DNAJB14: variants seen among roughly 807,000 people sequenced by gnomAD.
The protein encoded by DNAJB14 is DnaJ heat shock protein family (Hsp40) member B14, also known as dnaJ homolog subfamily B member 14.
DNAJB14 carries 22 observed loss-of-function variants against 48.4 expected under a neutral mutation model. That is an observed-to-expected ratio of 0.45 (90% CI 0.32 to 0.65). The LOEUF (loss-of-function observed/expected upper bound fraction) is 0.65, where lower values mean the gene tolerates loss of function less well. Among genes scored for constraint, DNAJB14 ranks in the 30% least tolerant of loss-of-function variants. The pLI is 0.03. For synonymous variants in DNAJB14, 142 were observed against 158.7 expected (o/e 0.89, Z 0.79); for missense variants, 319 against 458.8 (o/e 0.70, Z 2.78).
At chr4:99,917,868 T>C (rs775486030) in intron 3 of DNAJB14, among the ~76,000 whole-genome samples, 1 of 152,164 alleles carries the variant, frequency 6.6e-6, no homozygotes, top group Admixed American at 6.5e-5. Context: ...TTTCCCCCTA[T>C]AGGTAAGGCG....
intron 1 of DNAJB14, among the ~76,000 whole-genome samples, chr4:99,943,932 A>G (rs1489455227): frequency 6.6e-6 from 1 of 152,238 alleles, no homozygotes. Flanking sequence ...TAGCACCATC[A>G]ACAAAGTGAT....
At chr4:99,917,168 A>G (rs1360753297) in intron 3 of DNAJB14, among the ~76,000 whole-genome samples, 1 of 152,060 alleles carries the variant, frequency 6.6e-6, no homozygotes, top group Non-Finnish European at 1.5e-5. Context: ...TGCCTTATAT[A>G]TTTTCTTTAC....
intron 3 of DNAJB14, among the ~76,000 whole-genome samples, chr4:99,912,341 A>G (rs1466874073): frequency 6.6e-6 from 1 of 152,242 alleles, no homozygotes; most frequent in Admixed American, 6.5e-5. Context: ...TTTAACAGAA[A>G]TAAATGTTTT....
Position 99,908,722 on chromosome 4 carries a change from C to T in DNAJB14, c.626G>A (p.Gly209Glu), listed in dbSNP as rs1560732889. Residue 209 changes from glycine to glutamate, a missense_variant, in exon 4 of 8, where the codon GGA becomes GAA. Gly to Glu is a moderately conservative substitution (Grantham distance 98). This residue lies in a region of DNAJB14 where 166 missense variants were observed against 236.3 expected (regional missense o/e 0.70). Transcript: ENST00000442697. The stretch of plus-strand genomic sequence containing the variant: ...TTACATTAAAATACCTGAAGGAAAT[C>T]CACCCCCAAAAAATATATTAAACAA... ...EDLFNIFFGG[G>E]FPSGSVHSFS... 6.3e-7 allele frequency: 1 copy of T among 1,586,962 alleles called. No homozygotes were observed.
At chr4:99,938,486 C>T (rs991114839) in intron 1 of DNAJB14, among the ~76,000 whole-genome samples, 3 of 151,412 alleles carry the variant, frequency 2.0e-5, no homozygotes, top group South Asian at 2.1e-4. Flanking sequence ...AATGTATGCT[C>T]AGTTATTTAG....
rs754024125 is a variant in DNAJB14 at position 99,908,802 on chromosome 4, G to A, written c.546C>T (p.Asn182=). The change falls in exon 4 of 8, where the codon AAC becomes AAT. Residue 182 remains asparagine, a synonymous_variant. Coordinates refer to ENST00000442697, the MANE Select transcript of DNAJB14 (RefSeq NM_001031723.4). ...CTCTATGGAAATTAAATCTGCCATT[G>A]TTTTGGTGGTTACATGCTTGTTCTT... ...GNEEQACNHQ[N]NGRFNFHRGC... 3.7e-6 allele frequency: 6 copies of A among 1,612,296 alleles called. No homozygotes were observed. Among genetic ancestry groups the A allele is most frequent in the Non-Finnish European group, 5.1e-6 (6 of 1,179,066 alleles).
In DNAJB14 at chr4:99,922,987, A is replaced by G. The variant is rs996859116; in HGVS notation, c.451+53T>C. On this transcript the variant is annotated intron_variant, in intron 3 of 7. Coordinates refer to ENST00000442697, the MANE Select transcript of DNAJB14 (RefSeq NM_001031723.4). ...AGAACTTAATATTCTGAAACGCCGT[A>G]AAGTGAATTCTAAAGACAGCTTAGT... The G allele has an allele frequency of 6.6e-6, 10 of 1,523,808 alleles. No homozygotes were observed. In the Admixed American group the frequency reaches 1.5e-4, roughly 23 times the overall value. The allele number at this position is 1,523,808 out of a possible 1,614,324, so 94.4% of individuals were successfully genotyped here. A position where few individuals can be genotyped will look rare whatever the true frequency, so the allele number is the denominator to read the frequency against.
In DNAJB14 at chr4:99,917,126, G is replaced by A. The variant is rs186247486; in HGVS notation, c.451+5914C>T. Among the ~76,000 whole-genome samples, 61 of 152,198 alleles carry A rather than the reference G, an allele frequency of 4.0e-4. 1 individual carries two copies. Among genetic ancestry groups the A allele is most frequent in the African/African-American group, 1.4e-3 (58 of 41,524 alleles). ...CTCCAGCCTGGGTGACAGAGACTAC[G>A]TCTCAAACAAACAAACAAACAAACA... On this transcript the variant is annotated intron_variant, in intron 3 of 7. Transcript: ENST00000442697.
intron 1 of DNAJB14, among the ~76,000 whole-genome samples, chr4:99,939,261 C>T (rs1286192582): frequency 6.6e-6 from 1 of 152,172 alleles, no homozygotes; most frequent in Non-Finnish European, 1.5e-5. Context: ...ACTTGGGAGG[C>T]TAAGGCAGGA....
intron 2 of DNAJB14, chr4:99,924,656 A>C: frequency 6.8e-7 from 1 of 1,479,884 alleles, no homozygotes. Flanking sequence ...CTGTAAACAA[A>C]AAAAGAGAAT....
rs1303125181 is a variant in DNAJB14 at position 99,897,508 on chromosome 4, G to T, written c.*3520C>A. The T allele has an allele frequency of 1.3e-5, 2 of 151,882 alleles. No individual in the cohort carries two copies. The highest frequency in any genetic ancestry group is 2.9e-5 in the Non-Finnish European group (2 of 67,850). 9.4% of individuals were successfully genotyped at this position (151,882 alleles called of 1,614,324 possible). On this transcript the variant is annotated 3_prime_UTR_variant, in exon 8 of 8. Transcript: ENST00000442697. ...ACCTGCCAAATAATTGAAGGGATGA[G>T]CAAGAATTCCTTGAAAAGCCTCATT...
chr4:99,934,835 T>C (rs1305124575), intron 1 of DNAJB14, among the ~76,000 whole-genome samples: 4 of 109,394 alleles, frequency 3.7e-5, no homozygotes, highest in African/African-American at 1.3e-4. Context: ...GAAAAAATTA[T>C]CTCTCAAAAA....
chr4:99,908,995 A>G lies in DNAJB14; in HGVS notation c.452-99T>C, dbSNP rs1369441426. 1.2e-5 allele frequency: 9 copies of G among 756,892 alleles called. No homozygotes were observed. In the Admixed American group the frequency reaches 2.7e-4, roughly 23 times the overall value. The allele number at this position is 756,892 out of a possible 1,614,324, so 46.9% of individuals were successfully genotyped here. ...CATCATGCTGAAAAAAAGACTACCTAAAACTATCCAGAAAATTGTTAAAAA... is the reference window on the plus strand; with the variant it reads ...CATCATGCTGAAAAAAAGACTACCTGAAACTATCCAGAAAATTGTTAAAAA... On this transcript the variant is annotated intron_variant, in intron 3 of 7. Transcript: ENST00000442697.
rs1725554955 is a variant in DNAJB14 at position 99,908,776 on chromosome 4, C to A, written c.572G>T (p.Gly191Val). The stretch of plus-strand genomic sequence containing the variant: ...TTCTGGAGTTATATCAGCTTCACAA[C>A]CTCTATGGAAATTAAATCTGCCATT... ...QNNGRFNFHR[G>V]CEADITPEDL... Residue 191 changes from glycine to valine, a missense_variant, in exon 4 of 8, where the codon GGT becomes GTT. By Grantham distance (109) the Gly-to-Val change is moderately radical. This residue lies in a region of DNAJB14 where 166 missense variants were observed against 236.3 expected (regional missense o/e 0.70). Coordinates refer to ENST00000442697, the MANE Select transcript of DNAJB14 (RefSeq NM_001031723.4). The A allele has an allele frequency of 1.2e-6, 2 of 1,612,106 alleles. No homozygotes were observed. Among genetic ancestry groups the A allele is most frequent in the Non-Finnish European group, 1.7e-6 (2 of 1,178,944 alleles).
At chr4:99,903,638 A>G in intron 7 of DNAJB14, 88 bp downstream of exon 7, 3 of 1,387,866 alleles carry the variant, frequency 2.2e-6, no homozygotes, top group African/African-American at 1.5e-5. Flanking sequence ...AGGGAATTCC[A>G]GAACATTCCT....
Position 99,944,823 on chromosome 4 carries a change from C to T in DNAJB14, c.133+1616G>A, listed in dbSNP as rs186804221. 3.6e-3 allele frequency among the ~76,000 whole-genome samples: 546 copies of T among 152,214 alleles called. 13 individuals are homozygous for T. Among genetic ancestry groups the T allele is most frequent in the Admixed American group, 0.032 (487 of 15,286 alleles). ...AACTCCTCACCTCAAATGATCCGCC[C>T]GCCTCGGCCTCCCAAAGTGCTGGGA... On this transcript the variant is annotated intron_variant, in intron 1 of 7. Coordinates refer to ENST00000442697, the MANE Select transcript of DNAJB14 (RefSeq NM_001031723.4).
At position 99,900,913 on chromosome 4, in the gene DNAJB14, A is replaced by T; in HGVS notation, c.*115T>A. 8.6e-7 allele frequency: 1 copy of T among 1,168,462 alleles called. No individual in the cohort carries two copies. Among genetic ancestry groups the T allele is most frequent in the South Asian group, 1.8e-5 (1 of 56,562 alleles). 72.4% of individuals were successfully genotyped at this position (1,168,462 alleles called of 1,614,324 possible). ...AAACAGTCCAAGATTTCAGGAACCAACTATTCAGTTTAGTTTTCAGTATCA... is the reference window on the plus strand; with the variant it reads ...AAACAGTCCAAGATTTCAGGAACCATCTATTCAGTTTAGTTTTCAGTATCA... On this transcript the variant is annotated 3_prime_UTR_variant, in exon 8 of 8. Coordinates refer to ENST00000442697, the MANE Select transcript of DNAJB14 (RefSeq NM_001031723.4).
intron 3 of DNAJB14, chr4:99,922,596 A>T (rs1726099734): frequency 6.6e-6 from 1 of 152,166 alleles, no homozygotes; most frequent in African/African-American, 2.4e-5. Flanking sequence ...AAAATGAAAA[A>T]ACTGGGCAAA....
Position 99,946,559 on chromosome 4 carries a change from T to C in DNAJB14, c.13A>G (p.Arg5Gly). Residue 5 changes from arginine (R) to glycine (G), a missense_variant, in exon 1 of 8, where the codon AGG becomes GGG. This residue lies in a region of DNAJB14 where 116 missense variants were observed against 134.6 expected (regional missense o/e 0.86). Coordinates refer to ENST00000442697, the MANE Select transcript of DNAJB14 (RefSeq NM_001031723.4). ...TCGACACATTTCTCAGCCTCATCCC[T>C]GTTCCCCTCCATAGCTTGCTCCTTC... Reference protein sequence around the residue: MEGNRDEAEKCVEIA... With the variant: MEGNGDEAEKCVEIA... 6.2e-7 allele frequency: 1 copy of C among 1,613,716 alleles called. No homozygotes were observed. Among genetic ancestry groups the C allele is most frequent in the Non-Finnish European group, 8.5e-7 (1 of 1,179,726 alleles).
Sources: allele counts gnomAD v4.1 joint callset (sites outside exome capture counted in the v4.1 genomes callset), GRCh38; gene constraint gnomAD v4.1.1; regional missense constraint gnomAD v4.1.1; transcripts MANE v1.5; gene names NCBI Gene and HGNC (gene_info 2026-07-23, HGNC 2026-07-21).